The following CAMK1D variants were observed in gnomAD, a reference collection of about 807,000 sequenced individuals.
The protein encoded by CAMK1D is calcium/calmodulin-dependent protein kinase type 1D.
Under a neutral mutation model 47.7 loss-of-function variants are expected in CAMK1D, and 9 were observed. That is an observed-to-expected ratio of 0.19 (90% CI 0.11 to 0.33). The LOEUF is 0.33. Among genes scored for constraint, CAMK1D ranks in the 10% least tolerant of loss-of-function variants. The pLI, the probability that CAMK1D is intolerant of heterozygous loss-of-function variation, is 1.00. For missense variants in CAMK1D, 291 were observed against 488.7 expected (o/e 0.60, Z 3.81); for synonymous variants, 184 against 184.9 (o/e 0.99, Z 0.04).
At chr10:12,694,021 TATA>T (rs1681354152) in intron 3 of CAMK1D, among the ~76,000 whole-genome samples, 1 of 73,430 alleles carries the variant, frequency 1.4e-5, no homozygotes, top group South Asian at 4.0e-4. Context: ...ATTAAATATA[TATA>T]ATATATATAA....
chr10:12,598,493 G>A (rs989643879), intron 2 of CAMK1D, among the ~76,000 whole-genome samples: 18 of 152,120 alleles, frequency 1.2e-4, no homozygotes, highest in Admixed American at 6.5e-5. Context: ...CCATATCTCA[G>A]GAAGCAGTCT....
chr10:12,587,898 C>T (rs1837869097), intron 2 of CAMK1D, among the ~76,000 whole-genome samples: 1 of 151,698 alleles, frequency 6.6e-6, no homozygotes, highest in South Asian at 2.1e-4. Context: ...ATAGAAAGCA[C>T]TTACTGATGT....
intron 6 of CAMK1D, among the ~76,000 whole-genome samples, chr10:12,805,274 A>C (rs898384240): frequency 6.6e-6 from 1 of 151,760 alleles, no homozygotes; most frequent in Non-Finnish European, 1.5e-5. Flanking sequence ...GAAATACTAG[A>C]TATAGCACAG....
chr10:12,723,345 G>C (rs1834479952), intron 3 of CAMK1D, among the ~76,000 whole-genome samples: 1 of 152,120 alleles, frequency 6.6e-6, no homozygotes, highest in South Asian at 2.1e-4. Flanking sequence ...AGCTCACAAG[G>C]TTAGAAAGCT....
At chr10:12,383,636 A>T (rs1838407122) in intron 1 of CAMK1D, among the ~76,000 whole-genome samples, 1 of 152,244 alleles carries the variant, frequency 6.6e-6, no homozygotes, top group Non-Finnish European at 1.5e-5. Flanking sequence ...ACTAAATATT[A>T]AGGAAGTTGT....
intron 1 of CAMK1D, among the ~76,000 whole-genome samples, chr10:12,384,391 A>G (rs10906140): frequency 0.15 from 23,015 of 152,178 alleles, 1,841 homozygotes; most frequent in South Asian, 0.2. Flanking sequence ...GGAACCCAAA[A>G]TAGCCAAAAC....
At chr10:12,796,077 C>T (rs184793470) in intron 6 of CAMK1D, among the ~76,000 whole-genome samples, 8 of 152,320 alleles carry the variant, frequency 5.3e-5, no homozygotes, top group African/African-American at 1.4e-4. Context: ...CGCCTTTCTT[C>T]TCAGAACTTG....
intron 3 of CAMK1D, among the ~76,000 whole-genome samples, chr10:12,716,950 A>G (rs1372454404): frequency 6.6e-6 from 1 of 152,222 alleles, no homozygotes; most frequent in Non-Finnish European, 1.5e-5. Context: ...GCTTCTACCC[A>G]GATAAATCAG....
chr10:12,726,052 C>T (rs530713623), intron 3 of CAMK1D, among the ~76,000 whole-genome samples: 6 of 152,066 alleles, frequency 3.9e-5, no homozygotes, highest in South Asian at 2.1e-4. Context: ...CCACGTCACC[C>T]GGCCTGGTTT....
At chr10:12,711,941 T>G (rs1229159488) in intron 3 of CAMK1D, among the ~76,000 whole-genome samples, 1 of 152,248 alleles carries the variant, frequency 6.6e-6, no homozygotes, top group Non-Finnish European at 1.5e-5. Flanking sequence ...AATGTTTTTC[T>G]CAGACGTAAT....
intron 2 of CAMK1D, among the ~76,000 whole-genome samples, chr10:12,554,154 CCCTCT>C (rs1200284859): frequency 1.3e-5 from 2 of 151,590 alleles, no homozygotes; most frequent in Non-Finnish European, 2.9e-5. Flanking sequence ...TGCTCCCCTC[CCCTCT>C]CCTCTCCTTT....
intron 3 of CAMK1D, among the ~76,000 whole-genome samples, chr10:12,754,912 G>T (rs1387903761): frequency 1.3e-5 from 2 of 152,088 alleles, no homozygotes; most frequent in Non-Finnish European, 2.9e-5. Flanking sequence ...TGTACTGGGG[G>T]GTCAGGACTT....
At position 12,827,705 on chromosome 10, in the gene CAMK1D, C is replaced by G. The variant is rs544103746; in HGVS notation, c.1040-1064C>G. On this transcript the variant is annotated intron_variant, in intron 10 of 10. Coordinates refer to ENST00000619168, the MANE Select transcript of CAMK1D (RefSeq NM_153498.4). ...TTTCTCCTCTCTCCTCTCTCTTCTT[C>G]TCTCTTTCTCTCACTCTCTGTCACC... 1.9e-4 allele frequency among the ~76,000 whole-genome samples: 27 copies of G among 142,388 alleles called. 3 individuals are homozygous for G. The South Asian group carries it at 6.4e-3, about 34-fold the overall frequency. The allele number at this position is 142,388 out of a possible 152,430, so 93.4% of individuals were successfully genotyped here.
At chr10:12,818,963 T>C (rs1009868203) in intron 8 of CAMK1D, among the ~76,000 whole-genome samples, 1 of 152,176 alleles carries the variant, frequency 6.6e-6, no homozygotes, top group Non-Finnish European at 1.5e-5. Context: ...TATAAACATA[T>C]TAGGCCTTTA....
intron 1 of CAMK1D, among the ~76,000 whole-genome samples, chr10:12,491,492 G>A (rs1272245087): frequency 1.3e-5 from 2 of 152,060 alleles, no homozygotes; most frequent in Non-Finnish European, 2.9e-5. Flanking sequence ...TTGTTGTGAG[G>A]GGGTGGGTGG....
At chr10:12,672,901 T>TTTTTTTTTTTTTTTTTTTTTTTTTG (rs1840673669) in intron 3 of CAMK1D, among the ~76,000 whole-genome samples, 3 of 147,140 alleles carry the variant, frequency 2.0e-5, no homozygotes, top group Admixed American at 6.8e-5. Context: ...CTTGCCTTTT[T>TTTTTTTTTTTTTTTTTTTTTTTTTG]TTTTTTTTTT....
rs577003772 is a variant in CAMK1D, at chr10:12,521,930, C to T, written c.93-31295C>T. ...GGTTAGTATGCATGATACTTCTTCT[C>T]CCATCCTTTTAACTGACCTTATATA... On this transcript the variant is annotated intron_variant, in intron 1 of 10. Coordinates refer to ENST00000619168, the MANE Select transcript of CAMK1D (RefSeq NM_153498.4). Among the ~76,000 whole-genome samples the T allele has an allele frequency of 2.0e-5, 3 of 151,998 alleles. No individual in the cohort carries two copies. In the East Asian group the frequency reaches 5.8e-4, roughly 29 times the overall value.
intron 3 of CAMK1D, among the ~76,000 whole-genome samples, chr10:12,728,339 T>A (rs1197851694): frequency 1.3e-5 from 2 of 152,252 alleles, no homozygotes; most frequent in Admixed American, 1.3e-4. Context: ...CCTTCTTGGC[T>A]GCGTGGACAG....
At chr10:12,554,402 G>A (rs1200454945) in intron 2 of CAMK1D, among the ~76,000 whole-genome samples, 5 of 130,180 alleles carry the variant, frequency 3.8e-5, no homozygotes, top group Admixed American at 2.3e-4. Flanking sequence ...TGATCCGCCC[G>A]CCTTGGCCTC....
Sources: gnomAD v4.1 joint callset for allele counts (sites outside exome capture counted in the v4.1 genomes callset) on GRCh38, gnomAD v4.1.1 for gene constraint, MANE v1.5 for transcripts, NCBI Gene and HGNC (gene_info 2026-07-23, HGNC 2026-07-21) for gene names.